ACOXL: variants seen among roughly 807,000 people sequenced by gnomAD.
ACOXL encodes acyl-CoA oxidase like, also known as acyl-coenzyme A oxidase-like protein.
A neutral mutation model predicts 71.9 loss-of-function variants in ACOXL; 70 were observed. The ratio of observed to expected loss-of-function variants is 0.97; its 90% CI spans 0.80 to 1.19. The LOEUF is 1.19. Ranked by LOEUF, ACOXL falls within the 50% of genes most tolerant of loss-of-function variation. The probability of loss-of-function intolerance (pLI) is 0.00; values close to 1 mark genes in which losing one functional copy is unlikely to be tolerated. For missense variants in ACOXL, 703 were observed against 736.3 expected, an observed-to-expected ratio of 0.95 and a Z score of 0.52; for synonymous variants, 253 against 281.6, an observed-to-expected ratio of 0.90 and a Z score of 1.02.
At chr2:110,829,864 G>A (rs777241492) in intron 9 of ACOXL, among the ~76,000 whole-genome samples, 4 of 152,216 alleles carry the variant, frequency 2.6e-5, no homozygotes, top group Admixed American at 6.5e-5. Context: ...CCTGTGTTTG[G>A]AGTGGGAGTG....
intron 10 of ACOXL, among the ~76,000 whole-genome samples, chr2:110,854,095 A>G (rs1692951086): frequency 6.6e-6 from 1 of 152,018 alleles, no homozygotes; most frequent in South Asian, 2.1e-4. Context: ...GCTCCAAGGC[A>G]TGTGTGTGCA....
chr2:110,929,666 G>A (rs1022072696), intron 11 of ACOXL, among the ~76,000 whole-genome samples: 11 of 152,206 alleles, frequency 7.2e-5, no homozygotes, highest in Non-Finnish European at 1.6e-4. Context: ...CAAGCCAGGA[G>A]GCCTAGGAGG....
chr2:111,025,124 G>A (rs547834571), intron 14 of ACOXL, among the ~76,000 whole-genome samples: 1 of 152,000 alleles, frequency 6.6e-6, no homozygotes, highest in South Asian at 2.1e-4. Flanking sequence ...TTGTAAATTT[G>A]CCTTTTCTAT....
At chr2:111,031,353 C>G (rs2065255105) in intron 14 of ACOXL, among the ~76,000 whole-genome samples, 1 of 152,210 alleles carries the variant, frequency 6.6e-6, no homozygotes, top group South Asian at 2.1e-4. Flanking sequence ...TGATCTGTGC[C>G]TGCATTCTCC....
intron 12 of ACOXL, among the ~76,000 whole-genome samples, chr2:110,974,705 T>A (rs2062366904): frequency 6.6e-6 from 1 of 152,230 alleles, no homozygotes; most frequent in Non-Finnish European, 1.5e-5. Context: ...CTGACTGATC[T>A]GGCTGGCTTC....
At chr2:111,034,787 G>A (rs2149764316) in intron 15 of ACOXL, among the ~76,000 whole-genome samples, 1 of 152,314 alleles carries the variant, frequency 6.6e-6, no homozygotes, top group East Asian at 1.9e-4. Flanking sequence ...CTCTGGCAGA[G>A]GCCTCCAGGG....
chr2:110,840,035 G>A (rs1690958041), intron 9 of ACOXL, among the ~76,000 whole-genome samples: 1 of 136,780 alleles, frequency 7.3e-6, no homozygotes, highest in African/African-American at 2.6e-5. Context: ...TGTCACCCAG[G>A]CTGGAGTGCG....
At chr2:110,998,753 C>A (rs1243539600) in intron 14 of ACOXL, among the ~76,000 whole-genome samples, 1 of 152,152 alleles carries the variant, frequency 6.6e-6, no homozygotes, top group African/African-American at 2.4e-5. Flanking sequence ...CCTAGAGAGC[C>A]TTAAATCCCT....
At chr2:111,056,579 G>A (rs986292550) in intron 16 of ACOXL, among the ~76,000 whole-genome samples, 1 of 151,952 alleles carries the variant, frequency 6.6e-6, no homozygotes, top group Non-Finnish European at 1.5e-5. Context: ...ATGAGGTCAG[G>A]AGATAGAGAC....
intron 16 of ACOXL, among the ~76,000 whole-genome samples, chr2:111,067,722 A>G (rs1374437989): frequency 6.6e-6 from 1 of 152,244 alleles, no homozygotes. Flanking sequence ...GGAAAATCTA[A>G]AAGTTTCATA....
intron 9 of ACOXL, among the ~76,000 whole-genome samples, chr2:110,832,620 T>C (rs900436425): frequency 6.6e-6 from 1 of 151,612 alleles, no homozygotes; most frequent in African/African-American, 2.4e-5. Flanking sequence ...TGTGAATACC[T>C]TGTTACAAGG....
intron 9 of ACOXL, among the ~76,000 whole-genome samples, chr2:110,814,650 A>T (rs987541930): frequency 2.0e-5 from 3 of 152,174 alleles, no homozygotes; most frequent in African/African-American, 7.2e-5. Context: ...TATTGTTATA[A>T]GTTTGTGTGT....
At chr2:110,869,170 G>T (rs1694966661) in intron 10 of ACOXL, among the ~76,000 whole-genome samples, 1 of 152,186 alleles carries the variant, frequency 6.6e-6, no homozygotes, top group South Asian at 2.1e-4. Flanking sequence ...CACACAGCTA[G>T]GAGATGGTAA....
At chr2:110,810,414 T>C (rs1687168861) in intron 9 of ACOXL, among the ~76,000 whole-genome samples, 1 of 152,184 alleles carries the variant, frequency 6.6e-6, no homozygotes, top group Non-Finnish European at 1.5e-5. Context: ...CGTTTTACTC[T>C]TCTAACCTTC....
chr2:111,029,046 A>G (rs1268712781), intron 14 of ACOXL, among the ~76,000 whole-genome samples: 6 of 152,234 alleles, frequency 3.9e-5, no homozygotes, highest in Admixed American at 3.9e-4. Flanking sequence ...TCCTACCTGC[A>G]AAATGAAGAT....
At chr2:110,850,530 T>A (rs6736351) in intron 10 of ACOXL, among the ~76,000 whole-genome samples, 9,165 of 152,214 alleles carry the variant, frequency 0.06, 401 homozygotes, top group Middle Eastern at 0.12. Flanking sequence ...TCATTAGTCA[T>A]TAAGGAAATG....
At chr2:110,982,513 G>T (rs954248898) in intron 12 of ACOXL, among the ~76,000 whole-genome samples, 1 of 151,794 alleles carries the variant, frequency 6.6e-6, no homozygotes, top group Non-Finnish European at 1.5e-5. Context: ...AAGACATCTT[G>T]CCTTGATGGG....
chr2:111,033,873 T>C lies in ACOXL; in HGVS notation c.1369+2159T>C, dbSNP rs182937792. ...TATCGCCCTTCCTGGGACATGAGGATGGACTATATGGACTCCTGGTGCAAA... is the reference window on the plus strand; with the variant it reads ...TATCGCCCTTCCTGGGACATGAGGACGGACTATATGGACTCCTGGTGCAAA... On this transcript the variant is annotated intron_variant, in intron 15 of 17. Transcript: ENST00000439055. Among the ~76,000 whole-genome samples the C allele has an allele frequency of 3.9e-5, 6 of 152,302 alleles. 1 individual carries two copies. In the East Asian group the frequency reaches 9.6e-4, roughly 24 times the overall value.
At chr2:111,071,086 C>G (rs939501204) in intron 16 of ACOXL, among the ~76,000 whole-genome samples, 25 of 152,140 alleles carry the variant, frequency 1.6e-4, no homozygotes, top group Admixed American at 1.6e-3. Context: ...CAGAAAGATC[C>G]AGCTGCCACT....
Sources: allele counts gnomAD v4.1 joint callset (sites outside exome capture counted in the v4.1 genomes callset), GRCh38; gene constraint gnomAD v4.1.1; transcripts MANE v1.5; gene names NCBI Gene and HGNC (gene_info 2026-07-23, HGNC 2026-07-21).